Variants in GRK5 observed in about 807,000 individuals in gnomAD.
GRK5 encodes g protein-coupled receptor kinase GRK5.
GRK5 carries 40 observed loss-of-function variants against 78.4 expected under a neutral mutation model. The ratio of observed to expected loss-of-function variants is 0.51; its 90% confidence interval spans 0.40 to 0.66. The LOEUF (loss-of-function observed/expected upper bound fraction) is 0.66. Among genes scored for constraint, GRK5 ranks in the 30% least tolerant of loss-of-function variants. GRK5 has a pLI of 0.00. For synonymous variants in GRK5, 289 were observed against 296.8 expected, an observed-to-expected ratio of 0.97 and a Z score of 0.27; for missense variants, 598 against 759.9, an observed-to-expected ratio of 0.79 and a Z score of 2.50.
Position 119,207,771 on chromosome 10 carries a change from C to A in GRK5, c.-147C>A. On this transcript the variant is annotated 5_prime_UTR_variant, in exon 1 of 16. Transcript: ENST00000392870. The stretch of plus-strand genomic sequence containing the variant: ...GAGGGGGAAACTCTTGGGCTGAGAG[C>A]AGGAATAATGCGGTAGGCAAGGCGG... 1.3e-6 allele frequency: 1 copy of A among 741,326 alleles called. No homozygotes were observed. Among genetic ancestry groups the A allele is most frequent in the African/African-American group, 1.9e-5 (1 of 53,020 alleles). The allele number at this position is 741,326 out of a possible 1,614,324, so 45.9% of individuals were successfully genotyped here.
rs4751701 is a variant in GRK5, at chr10:119,220,191, T to C, written c.52+12222T>C. On this transcript the variant is annotated intron_variant, in intron 1 of 15. Transcript: ENST00000392870. Reference sequence around the variant, plus strand: ...AGGCTTTATGGATGGTGCCAAGCCCTGTGATATATAATAATTAGTAACCAC... The same window carrying C: ...AGGCTTTATGGATGGTGCCAAGCCCCGTGATATATAATAATTAGTAACCAC... Among the ~76,000 whole-genome samples, 76 of 152,276 alleles carry C rather than the reference T, an allele frequency of 5.0e-4. No individual in the cohort carries two copies. The East Asian group carries it at 0.013, about 27-fold the overall frequency.
chr10:119,279,103 A>G (rs1467815329), intron 1 of GRK5, among the ~76,000 whole-genome samples: 1 of 151,698 alleles, frequency 6.6e-6, no homozygotes, highest in Non-Finnish European at 1.5e-5. Context: ...GATGGTCTCG[A>G]TCTCCTGACC....
intron 2 of GRK5, among the ~76,000 whole-genome samples, chr10:119,362,001 G>T (rs566826933): frequency 1.3e-5 from 2 of 148,902 alleles, no homozygotes; most frequent in South Asian, 4.2e-4. Flanking sequence ...GAATTGAAAG[G>T]CAGCCTTGAC....
At chr10:119,422,053 G>A (rs559837405) in intron 4 of GRK5, among the ~76,000 whole-genome samples, 1 of 152,326 alleles carries the variant, frequency 6.6e-6, no homozygotes, top group Non-Finnish European at 1.5e-5. Flanking sequence ...CCTTTTGGGA[G>A]AGAGCTGTGT....
In GRK5 at chr10:119,315,821, C is replaced by T. The variant is rs183030512; in HGVS notation, c.53-10695C>T. On this transcript the variant is annotated intron_variant, in intron 1 of 15. Coordinates refer to ENST00000392870, the MANE Select transcript of GRK5 (RefSeq NM_005308.3). ...AGTCACTGCGACACCTGAGACCCTC[C>T]CAGACTGATTCAGTTGCGTTGAGAG... is the stretch of plus-strand genomic sequence containing the variant. Among the ~76,000 whole-genome samples, 3 of 152,302 alleles carry T rather than the reference C, an allele frequency of 2.0e-5. No individual in the cohort carries two copies. In the East Asian group the frequency reaches 5.8e-4, roughly 29 times the overall value.
At chr10:119,290,006 G>A (rs879520911) in intron 1 of GRK5, among the ~76,000 whole-genome samples, 5 of 152,138 alleles carry the variant, frequency 3.3e-5, no homozygotes, top group African/African-American at 9.7e-5. Flanking sequence ...GCTTAGTAGC[G>A]GAGGTTGAGT....
At chr10:119,427,893 ATCAT>A (rs1227822638) in intron 6 of GRK5, among the ~76,000 whole-genome samples, 1 of 147,208 alleles carries the variant, frequency 6.8e-6, no homozygotes, top group Non-Finnish European at 1.5e-5. Context: ...CATTACTGCT[ATCAT>A]CAGTATCATC....
chr10:119,431,633 G>A lies in GRK5; in HGVS notation c.738+106G>A. On this transcript the variant is annotated intron_variant, in intron 8 of 15. Coordinates refer to ENST00000392870, the MANE Select transcript of GRK5 (RefSeq NM_005308.3). This position sits in a 1 kb window ranked among gnomAD's most constrained non-coding sequence, Gnocchi z 4.8. ...CTAATGCGGCCGGTCCCCACCCCTG[G>A]GAAGGGGAATGCCAGTGGCAGCGCT... 2 of 1,354,668 alleles carry A rather than the reference G, an allele frequency of 1.5e-6. No homozygotes were observed. Among genetic ancestry groups the A allele is most frequent in the Non-Finnish European group, 1.0e-6 (1 of 997,968 alleles). 83.9% of individuals were successfully genotyped at this position (1,354,668 alleles called of 1,614,324 possible). A position where few individuals can be genotyped will look rare whatever the true frequency, so the allele number is the denominator to read the frequency against.
intron 2 of GRK5, among the ~76,000 whole-genome samples, chr10:119,366,948 G>A (rs1851459678): frequency 1.3e-5 from 2 of 152,174 alleles, no homozygotes; most frequent in Non-Finnish European, 2.9e-5. Flanking sequence ...CCTTCTCAGT[G>A]TCTCGATTTT....
chr10:119,259,064 T>TC (rs1216716766), intron 1 of GRK5, among the ~76,000 whole-genome samples: 1 of 95,762 alleles, frequency 1.0e-5, no homozygotes, highest in African/African-American at 3.5e-5. Context: ...TCTTTCTTTT[T>TC]CTTTTTTTTT....
intron 1 of GRK5, among the ~76,000 whole-genome samples, chr10:119,208,952 C>A (rs927113933): frequency 6.6e-6 from 1 of 151,650 alleles, no homozygotes; most frequent in Non-Finnish European, 1.5e-5. Context: ...AGTGTGCGAC[C>A]TTTTTCATAA....
chr10:119,409,879 G>A (rs902113447), intron 4 of GRK5, among the ~76,000 whole-genome samples: 3 of 152,150 alleles, frequency 2.0e-5, no homozygotes, highest in East Asian at 1.9e-4. Flanking sequence ...ACTCCCCACC[G>A]TTTCCCCACC....
At chr10:119,348,332 T>C (rs1851134003) in intron 2 of GRK5, among the ~76,000 whole-genome samples, 1 of 152,258 alleles carries the variant, frequency 6.6e-6, no homozygotes. Flanking sequence ...CTTTGTCTTT[T>C]ATGGAACAAT....
chr10:119,209,271 T>A (rs1848441873), intron 1 of GRK5, among the ~76,000 whole-genome samples: 2 of 152,216 alleles, frequency 1.3e-5, no homozygotes, highest in African/African-American at 2.4e-5. Flanking sequence ...CGTGTCTTAC[T>A]TTCGTCGTCA....
At chr10:119,260,911 AGCTGTTGG>A (rs1849372888) in intron 1 of GRK5, among the ~76,000 whole-genome samples, 1 of 151,958 alleles carries the variant, frequency 6.6e-6, no homozygotes, top group Non-Finnish European at 1.5e-5. Context: ...GTTCTCAATG[AGCTGTTGG>A]GCACACCTCC....
chr10:119,361,950 G>C (rs1851370860), intron 2 of GRK5, among the ~76,000 whole-genome samples: 1 of 119,886 alleles, frequency 8.3e-6, no homozygotes, highest in Non-Finnish European at 1.7e-5. Context: ...GACAGAGCGA[G>C]ACTCTATCTC....
intron 1 of GRK5, among the ~76,000 whole-genome samples, chr10:119,268,391 GCC>G: frequency 6.6e-6 from 1 of 152,318 alleles, no homozygotes; most frequent in Admixed American, 6.5e-5. Context: ...CCCCTGGGCA[GCC>G]CCGTTGGTTT....
At position 119,400,589 on chromosome 10, in the gene GRK5, G is replaced by A. The variant is rs113127361; in HGVS notation, c.339+3817G>A. Among the ~76,000 whole-genome samples the A allele has an allele frequency of 1.1e-3, 162 of 152,162 alleles. 1 individual carries two copies. Among genetic ancestry groups the A allele is most frequent in the African/African-American group, 3.4e-3 (143 of 41,506 alleles). On this transcript the variant is annotated intron_variant, in intron 4 of 15. Coordinates refer to ENST00000392870, the MANE Select transcript of GRK5 (RefSeq NM_005308.3). ...AACCTTGGCACAGAGGTAGGAAAGC[G>A]CACAGGATGGGCAGTGCTGTGGGGG...
intron 1 of GRK5, among the ~76,000 whole-genome samples, chr10:119,255,221 G>A (rs182867444): frequency 6.6e-6 from 1 of 152,140 alleles, no homozygotes; most frequent in Admixed American, 6.5e-5. Context: ...TCCAGGGAGG[G>A]GTGTGGCACA....
Sources: allele counts gnomAD v4.1 joint callset (sites outside exome capture counted in the v4.1 genomes callset), GRCh38; gene constraint gnomAD v4.1.1; non-coding constraint Gnocchi (gnomAD v3.1); transcripts MANE v1.5; gene names NCBI Gene and HGNC (gene_info 2026-07-23, HGNC 2026-07-21).